HERC1: variants seen among roughly 807,000 people sequenced by gnomAD.
HERC1 encodes probable E3 ubiquitin-protein ligase HERC1.
A neutral mutation model predicts 554.3 loss-of-function variants in HERC1; 160 were observed. The ratio of observed to expected loss-of-function variants is 0.29; its 90% CI spans 0.25 to 0.33. The LOEUF (loss-of-function observed/expected upper bound fraction) is 0.33, where lower values mean the gene tolerates loss of function less well. HERC1 is among the 10% of genes least tolerant of loss of function. The pLI, the probability that HERC1 is intolerant of heterozygous loss-of-function variation, is 1.00. For missense variants in HERC1, 4,919 were observed against 5,918.5 expected, an observed-to-expected ratio of 0.83 and a Z score of 5.54; for synonymous variants, 2,175 against 2,131.7, an observed-to-expected ratio of 1.02 and a Z score of -0.56.
chr15:63,741,293 C>T (rs761204358), intron 12 of HERC1, among the ~76,000 whole-genome samples: 2 of 151,688 alleles, frequency 1.3e-5, no homozygotes, highest in African/African-American at 2.4e-5. Context: ...TCTCAAAGTG[C>T]TGGGATTACA....
chr15:63,754,529 A>G lies in HERC1; in HGVS notation c.1750T>C (p.Trp584Arg). Reference sequence around the variant, plus strand: ...CCATTGTCTCCTCCTCCAAAAGACCATACAGTTCTCCCATCTTTAGACAGA... The same window carrying G: ...CCATTGTCTCCTCCTCCAAAAGACCGTACAGTTCTCCCATCTTTAGACAGA... ...IALSKDGRTV[W>R]SFGGGDNGKL... The change falls in exon 7 of 78, where the codon TGG becomes CGG. Residue 584 changes from tryptophan to arginine, a missense_variant. Physicochemically the swap from Trp to Arg is moderately radical, Grantham distance 101. Transcript: ENST00000443617. 1 of 1,611,240 alleles carries G rather than the reference A, an allele frequency of 6.2e-7. No homozygotes were observed. The highest frequency in any genetic ancestry group is 8.5e-7 in the Non-Finnish European group (1 of 1,178,512).
intron 1 of HERC1, among the ~76,000 whole-genome samples, chr15:63,783,844 G>C (rs1384095174): frequency 1.3e-5 from 2 of 152,120 alleles, no homozygotes; most frequent in Admixed American, 1.3e-4. Context: ...GAAGCGGGCA[G>C]ATCTCGAGGT....
rs575244561 is a variant in HERC1 at position 63,646,475 on chromosome 15, T to C, written c.10879-793A>G. Among the ~76,000 whole-genome samples, 235 of 150,404 alleles carry C rather than the reference T, an allele frequency of 1.6e-3. 3 individuals are homozygous for C. The highest frequency in any genetic ancestry group is 7.8e-3 in the South Asian group (37 of 4,770). ...GATGTAAAAAAATTTTAAAAGAAAC[T>C]AGTATCAAGCAATAGTAGAGGCTAA... is the stretch of plus-strand genomic sequence containing the variant. On this transcript the variant is annotated intron_variant, in intron 55 of 77. Transcript: ENST00000443617.
At chr15:63,636,202 G>T in intron 64 of HERC1, 60 bp from the exon 65 acceptor site, 1 of 1,457,608 alleles carries the variant, frequency 6.9e-7, no homozygotes, top group Non-Finnish European at 9.4e-7. Flanking sequence ...CTCTTTACTT[G>T]CAGCTGCTAC....
chr15:63,714,691 G>C (rs1294766950), intron 22 of HERC1, among the ~76,000 whole-genome samples: 1 of 151,576 alleles, frequency 6.6e-6, no homozygotes, highest in Non-Finnish European at 1.5e-5. Flanking sequence ...TGGTATTACA[G>C]ATGCGCGCCA....
At chr15:63,617,656 T>C (rs528736587) in intron 74 of HERC1, among the ~76,000 whole-genome samples, 243 of 152,180 alleles carry the variant, frequency 1.6e-3, no homozygotes, top group African/African-American at 5.3e-3. Context: ...TTCTCCACAT[T>C]CTCTCCAGCA....
intron 14 of HERC1, among the ~76,000 whole-genome samples, chr15:63,730,516 G>T (rs2074246954): frequency 6.6e-6 from 1 of 152,030 alleles, no homozygotes; most frequent in South Asian, 2.1e-4. Context: ...GTGTGATTCT[G>T]GACAAGATCA....
At chr15:63,638,310 A>T in intron 63 of HERC1, 101 bp downstream of exon 63, 3 of 1,191,754 alleles carry the variant, frequency 2.5e-6, no homozygotes, top group Non-Finnish European at 3.6e-6. Flanking sequence ...TCCTCATAAT[A>T]GATTATGAAA....
chr15:63,623,074 T>A (rs567656215), intron 73 of HERC1, among the ~76,000 whole-genome samples, 183 bp from the exon 74 acceptor site: 1 of 152,212 alleles, frequency 6.6e-6, no homozygotes, highest in Non-Finnish European at 1.5e-5. Context: ...AAATCCCCCA[T>A]ATGGAAAGCA....
chr15:63,651,214 C>G lies in HERC1; in HGVS notation c.10546+39G>C, dbSNP rs752913960. The G allele has an allele frequency of 1.9e-6, 3 of 1,598,476 alleles. No homozygotes were observed. In the South Asian group the frequency reaches 3.4e-5, roughly 18 times the overall value. On this transcript the variant is annotated intron_variant, in intron 53 of 77. Transcript: ENST00000443617. ...AGACTAAGAAGAAGGCTTTAAAAAACTACTTTCAGCAGTTTACTAGTGTTT... is the reference window on the plus strand; with the variant it reads ...AGACTAAGAAGAAGGCTTTAAAAAAGTACTTTCAGCAGTTTACTAGTGTTT...
At chr15:63,802,890 T>C (rs980624642) in intron 1 of HERC1, among the ~76,000 whole-genome samples, 3 of 152,206 alleles carry the variant, frequency 2.0e-5, no homozygotes, top group East Asian at 1.9e-4. Flanking sequence ...AGAAAATACA[T>C]GTATTATTTA....
At chr15:63,827,227 C>T (rs900141009) in intron 1 of HERC1, among the ~76,000 whole-genome samples, 3 of 152,068 alleles carry the variant, frequency 2.0e-5, no homozygotes, top group South Asian at 2.1e-4. Flanking sequence ...GAATTCGAGA[C>T]CAGCCTGGGC....
At chr15:63,626,176 A>C in intron 70 of HERC1, 22 bp from the exon 71 acceptor site, 1 of 1,606,948 alleles carries the variant, frequency 6.2e-7, no homozygotes, top group Non-Finnish European at 8.5e-7. Context: ...GCAAATGGGC[A>C]CTTATGAAGG....
intron 25 of HERC1, among the ~76,000 whole-genome samples, chr15:63,699,534 A>C (rs1300778890): frequency 6.6e-6 from 1 of 152,254 alleles, no homozygotes; most frequent in Non-Finnish European, 1.5e-5. Context: ...AGCAGACACA[A>C]ACATCACCCT....
intron 19 of HERC1, 52 bp downstream of exon 19, chr15:63,723,130 C>T (rs2073892004): frequency 7.7e-6 from 9 of 1,164,630 alleles, no homozygotes; most frequent in African/African-American, 6.3e-5. Flanking sequence ...TATATATTTG[C>T]GAGCATTATG....
chr15:63,829,561 G>GTGTGTGTGTATATATATATATA, intron 1 of HERC1, among the ~76,000 whole-genome samples: 1 of 81,732 alleles, frequency 1.2e-5, no homozygotes, highest in South Asian at 3.8e-4. Flanking sequence ...GTGTGTGTGT[G>GTGTGTGTGTATATATATATATA]TATATATATA....
At chr15:63,632,858 T>C in intron 67 of HERC1, 47 bp from the exon 68 acceptor site, 3 of 1,335,718 alleles carry the variant, frequency 2.2e-6, no homozygotes, top group Non-Finnish European at 3.1e-6. Flanking sequence ...AGAAAAAAAA[T>C]CACTCTTGAA....
intron 1 of HERC1, among the ~76,000 whole-genome samples, chr15:63,781,117 T>A (rs1419481843): frequency 6.6e-6 from 1 of 152,128 alleles, no homozygotes; most frequent in Non-Finnish European, 1.5e-5. Context: ...ATGAACAGTA[T>A]AATCACTAAT....
intron 1 of HERC1, among the ~76,000 whole-genome samples, chr15:63,785,153 G>A (rs1337598168): frequency 6.6e-6 from 1 of 152,128 alleles, no homozygotes; most frequent in Non-Finnish European, 1.5e-5. Flanking sequence ...AGCCAGGTGT[G>A]GTGGCTCACT....
Sources: gnomAD v4.1 joint callset for allele counts (sites outside exome capture counted in the v4.1 genomes callset) on GRCh38, gnomAD v4.1.1 for gene constraint, MANE v1.5 for transcripts, NCBI Gene and HGNC (gene_info 2026-07-23, HGNC 2026-07-21) for gene names.